Variants in GALNT18 observed in about 807,000 individuals in gnomAD.
GALNT18 encodes the protein polypeptide N-acetylgalactosaminyltransferase 18, also known as GalNAc-transferase 18.
Under a neutral mutation model 69.5 loss-of-function variants are expected in GALNT18, and 44 were observed. The observed-to-expected ratio is 0.63, with a 90% CI of 0.50 to 0.81. GALNT18 has a LOEUF of 0.81. GALNT18 is among the 40% of genes least tolerant of loss of function. The pLI is 0.00. For synonymous variants in GALNT18, 364 were observed against 318.2 expected (o/e 1.14, Z -1.53); for missense variants, 715 against 810.0 (o/e 0.88, Z 1.42).
At position 11,618,468 on chromosome 11, in the gene GALNT18, T is replaced by G. The variant is rs976249153; in HGVS notation, c.235+2891A>C. ...AAACAAAGCAAAACCTGAGTTTATC[T>G]ATGGAGTTTCCAAGTGGGAAGGCTG... On this transcript the variant is annotated intron_variant, in intron 1 of 10. Coordinates refer to ENST00000227756, the MANE Select transcript of GALNT18 (RefSeq NM_198516.3). The surrounding 1 kb of genome is among the most constrained non-coding windows in gnomAD (Gnocchi z 6.1). 1.3e-5 allele frequency among the ~76,000 whole-genome samples: 2 copies of G among 152,202 alleles called. No homozygotes were observed. The highest frequency in any genetic ancestry group is 6.5e-5 in the Admixed American group (1 of 15,286).
At chr11:11,535,388 TG>T (rs1857751864) in intron 1 of GALNT18, among the ~76,000 whole-genome samples, 1 of 152,212 alleles carries the variant, frequency 6.6e-6, no homozygotes, top group Non-Finnish European at 1.5e-5. Context: ...TTTTCTGCAT[TG>T]AGTTGGTGTG....
At chr11:11,527,999 T>C (rs1445385379) in intron 1 of GALNT18, among the ~76,000 whole-genome samples, 3 of 152,244 alleles carry the variant, frequency 2.0e-5, no homozygotes, top group African/African-American at 7.2e-5. Flanking sequence ...TGGGTTATCT[T>C]ATTTAATACT....
intron 1 of GALNT18, among the ~76,000 whole-genome samples, chr11:11,518,813 G>C (rs976229841): frequency 6.6e-6 from 1 of 151,534 alleles, no homozygotes; most frequent in Admixed American, 6.5e-5. Context: ...GGACCCACCA[G>C]CTTCTCTAAG....
intron 1 of GALNT18, among the ~76,000 whole-genome samples, chr11:11,467,220 G>T (rs1021787215): frequency 6.6e-6 from 1 of 152,136 alleles, no homozygotes; most frequent in Non-Finnish European, 1.5e-5. Flanking sequence ...ACACTGACAC[G>T]CAGAAGCCAC....
intron 6 of GALNT18, among the ~76,000 whole-genome samples, chr11:11,362,972 C>T (rs571379259): frequency 1.3e-5 from 2 of 151,896 alleles, no homozygotes; most frequent in Non-Finnish European, 1.5e-5. Flanking sequence ...AGTATGCAAC[C>T]GTAAGAAAGG....
intron 1 of GALNT18, among the ~76,000 whole-genome samples, chr11:11,567,492 G>C (rs755567569): frequency 6.6e-6 from 1 of 152,194 alleles, no homozygotes; most frequent in South Asian, 2.1e-4. Context: ...CTGGCAAGTG[G>C]TGAGGGGAGG....
chr11:11,376,139 T>A (rs1398345545), intron 5 of GALNT18, among the ~76,000 whole-genome samples: 1 of 152,020 alleles, frequency 6.6e-6, no homozygotes, highest in Non-Finnish European at 1.5e-5. Context: ...TCCCAGCACT[T>A]TGGGAGGCCG....
intron 10 of GALNT18, among the ~76,000 whole-genome samples, chr11:11,290,913 C>A (rs576643820): frequency 1.3e-5 from 2 of 152,194 alleles, no homozygotes; most frequent in African/African-American, 4.8e-5. Context: ...CTCACCTCCA[C>A]GGAGCCCGGA....
At chr11:11,373,205 TGGGTGAGTGACCAGA>T (rs1259791796) in intron 5 of GALNT18, among the ~76,000 whole-genome samples, 2 of 152,010 alleles carry the variant, frequency 1.3e-5, no homozygotes, top group Non-Finnish European at 2.9e-5. Flanking sequence ...TAGGCAGCTG[TGGGTGAGTGACCAGA>T]GGGTAAGGGG....
rs111781473 is a variant in GALNT18 at position 11,354,846 on chromosome 11, C to G, written c.1093-13842G>C. On this transcript the variant is annotated intron_variant, in intron 6 of 10. Transcript: ENST00000227756. The stretch of plus-strand genomic sequence containing the variant: ...CCGATTTTCTTCCCTGCCTCCCCAT[C>G]TGTCCCTTAGTCTGCCCCTCATCCA... Among the ~76,000 whole-genome samples, 10 of 152,300 alleles carry G rather than the reference C, an allele frequency of 6.6e-5. 2 individuals are homozygous for G. The highest frequency in any genetic ancestry group is 2.2e-4 in the African/African-American group (9 of 41,558).
intron 1 of GALNT18, among the ~76,000 whole-genome samples, chr11:11,516,378 TC>T (rs1857276500): frequency 6.6e-6 from 1 of 152,188 alleles, no homozygotes; most frequent in Admixed American, 6.5e-5. Context: ...ACACCTGTAA[TC>T]CCAGCACTTC....
chr11:11,511,657 G>A lies in GALNT18; in HGVS notation c.236-62721C>T, dbSNP rs1395775427. ...GGAACCTAATCCCCAGTGTGATGAT[G>A]TTTGAAGGTAGGGCCTTTGGGAGGT... is the stretch of plus-strand genomic sequence containing the variant. On this transcript the variant is annotated intron_variant, in intron 1 of 10. Coordinates refer to ENST00000227756, the MANE Select transcript of GALNT18 (RefSeq NM_198516.3). The surrounding 1 kb of genome is among the most constrained non-coding windows in gnomAD (Gnocchi z 4.9). Among the ~76,000 whole-genome samples, 1 of 152,186 alleles carries A rather than the reference G, an allele frequency of 6.6e-6. No homozygotes were observed. Among genetic ancestry groups the A allele is most frequent in the Non-Finnish European group, 1.5e-5 (1 of 68,028 alleles).
chr11:11,410,277 A>C (rs1005064727), intron 3 of GALNT18, among the ~76,000 whole-genome samples: 3 of 152,070 alleles, frequency 2.0e-5, no homozygotes, highest in Admixed American at 2.0e-4. Flanking sequence ...GCTTCCTTGC[A>C]TCCTGCTCAC....
chr11:11,314,858 A>G lies in GALNT18; in HGVS notation c.1512+12228T>C, dbSNP rs1229495636. Reference sequence around the variant, plus strand: ...GGGAGCAGTTGCTCCTGGCTGTGACATAGTAAAACCTACAATCATGTTCTA... The same window carrying G: ...GGGAGCAGTTGCTCCTGGCTGTGACGTAGTAAAACCTACAATCATGTTCTA... On this transcript the variant is annotated intron_variant, in intron 9 of 10. Transcript: ENST00000227756. This position sits in a 1 kb window ranked among gnomAD's most constrained non-coding sequence, Gnocchi z 5.2. Among the ~76,000 whole-genome samples the G allele has an allele frequency of 6.6e-6, 1 of 152,190 alleles. No individual in the cohort carries two copies. The highest frequency in any genetic ancestry group is 1.5e-5 in the Non-Finnish European group (1 of 68,036).
At position 11,619,603 on chromosome 11, in the gene GALNT18, A is replaced by G. The variant is rs940370969; in HGVS notation, c.235+1756T>C. ...CAAGAGAATCATTTTCCAGGAACAC[A>G]CACACACACAGAATCTGTGAATGAA... On this transcript the variant is annotated intron_variant, in intron 1 of 10. Transcript: ENST00000227756. This position sits in a 1 kb window ranked among gnomAD's most constrained non-coding sequence, Gnocchi z 4.9. 1.3e-5 allele frequency among the ~76,000 whole-genome samples: 2 copies of G among 152,188 alleles called. No individual in the cohort carries two copies. The highest frequency in any genetic ancestry group is 4.8e-5 in the African/African-American group (2 of 41,442).
intron 1 of GALNT18, among the ~76,000 whole-genome samples, chr11:11,536,606 G>C (rs1208052555): frequency 6.9e-6 from 1 of 145,348 alleles, no homozygotes; most frequent in Non-Finnish European, 1.5e-5. Flanking sequence ...GATGAAACCC[G>C]CCAAGACCTT....
At position 11,583,149 on chromosome 11, in the gene GALNT18, T is replaced by A. The variant is rs1859125969; in HGVS notation, c.235+38210A>T. On this transcript the variant is annotated intron_variant, in intron 1 of 10. Coordinates refer to ENST00000227756, the MANE Select transcript of GALNT18 (RefSeq NM_198516.3). This position sits in a 1 kb window ranked among gnomAD's most constrained non-coding sequence, Gnocchi z 4.7. ...AGAAGTTACACTCAATTTGTCCCTTTAATGAGGTTTTTCCACAGCAGCACA... is the reference window on the plus strand; with the variant it reads ...AGAAGTTACACTCAATTTGTCCCTTAAATGAGGTTTTTCCACAGCAGCACA... Among the ~76,000 whole-genome samples the A allele has an allele frequency of 6.6e-6, 1 of 152,190 alleles. No individual in the cohort carries two copies. Among genetic ancestry groups the A allele is most frequent in the South Asian group, 2.1e-4 (1 of 4,834 alleles).
At chr11:11,376,542 G>A (rs949733441) in intron 5 of GALNT18, among the ~76,000 whole-genome samples, 1 of 152,174 alleles carries the variant, frequency 6.6e-6, no homozygotes. Context: ...AATGCAGTAT[G>A]AAGTCACTTT....
At chr11:11,312,781 C>T (rs1043457983) in intron 9 of GALNT18, among the ~76,000 whole-genome samples, 8 of 152,204 alleles carry the variant, frequency 5.3e-5, no homozygotes, top group Non-Finnish European at 8.8e-5. Context: ...CTGGCTAAGC[C>T]TTCATTTACA....
Sources: allele counts gnomAD v4.1 joint callset (sites outside exome capture counted in the v4.1 genomes callset), GRCh38; gene constraint gnomAD v4.1.1; non-coding constraint Gnocchi (gnomAD v3.1); transcripts MANE v1.5; gene names NCBI Gene and HGNC (gene_info 2026-07-23, HGNC 2026-07-21).